UBE2L3: variants seen among roughly 807,000 people sequenced by gnomAD.
UBE2L3 encodes ubiquitin conjugating enzyme E2 L3.
In UBE2L3, 1 loss-of-function variant was observed where a neutral mutation model predicts 17.8. The observed-to-expected ratio is 0.06, with a 90% CI of 0.02 to 0.27. The LOEUF (loss-of-function observed/expected upper bound fraction) is 0.27. Ranked by LOEUF, UBE2L3 falls within the 10% of genes least tolerant of loss-of-function variation. UBE2L3 has a pLI of 1.00. For missense variants in UBE2L3, 40 were observed against 192.6 expected, an observed-to-expected ratio of 0.21 and a Z score of 4.69; for synonymous variants, 44 against 68.5, an observed-to-expected ratio of 0.64 and a Z score of 1.76.
intron 2 of UBE2L3, among the ~76,000 whole-genome samples, chr22:21,593,192 A>G (rs1452125098): frequency 6.6e-6 from 1 of 152,066 alleles, no homozygotes; most frequent in African/African-American, 2.4e-5. Flanking sequence ...GCAGATCTGT[A>G]GACACAGAGA....
intron 1 of UBE2L3, among the ~76,000 whole-genome samples, chr22:21,557,028 T>A (rs1042821733): frequency 1.3e-5 from 2 of 152,110 alleles, no homozygotes; most frequent in African/African-American, 4.8e-5. Context: ...CACTCCAGCC[T>A]GGGCAACAGA....
chr22:21,602,469 A>G (rs1928917789), intron 2 of UBE2L3, among the ~76,000 whole-genome samples: 1 of 152,202 alleles, frequency 6.6e-6, no homozygotes, highest in Non-Finnish European at 1.5e-5. Flanking sequence ...GTGACATGAA[A>G]CGGTGACTTC....
At chr22:21,613,297 TCTG>T (rs765561003) in intron 3 of UBE2L3, among the ~76,000 whole-genome samples, 3 of 152,218 alleles carry the variant, frequency 2.0e-5, no homozygotes, top group Non-Finnish European at 2.9e-5. Flanking sequence ...GCCAAAATGC[TCTG>T]CTTTTTCAGA....
upstream of UBE2L3, among the ~76,000 whole-genome samples, chr22:21,565,677 C>A (rs370289592): frequency 7.8e-6 from 1 of 127,926 alleles, no homozygotes; most frequent in Admixed American, 9.9e-5. Flanking sequence ...CACTTGAACC[C>A]GGGAGGCAGA....
chr22:21,601,506 G>T (rs902027402), intron 2 of UBE2L3, among the ~76,000 whole-genome samples: 4 of 151,496 alleles, frequency 2.6e-5, no homozygotes, highest in African/African-American at 9.7e-5. Flanking sequence ...GTAGAGATGG[G>T]ATTTCACCAT....
chr22:21,611,945 C>T (rs537962015), intron 3 of UBE2L3, among the ~76,000 whole-genome samples: 1 of 152,230 alleles, frequency 6.6e-6, no homozygotes, highest in Admixed American at 6.5e-5. Context: ...CTTCCTGATG[C>T]CAGATCAGAC....
chr22:21,611,243 C>G lies in UBE2L3; in HGVS notation c.310+200C>G, dbSNP rs116705679. Among the ~76,000 whole-genome samples, 197 of 152,332 alleles carry G rather than the reference C, an allele frequency of 1.3e-3. 1 individual carries two copies. Among genetic ancestry groups the G allele is most frequent in the African/African-American group, 4.6e-3 (193 of 41,576 alleles). ...CTGTATAGGGTTTGAGGAGGCCTTT[C>G]CAGTGCTCAGCCCTGGGCTGCCATC... is the stretch of plus-strand genomic sequence containing the variant. On this transcript the variant is annotated intron_variant, in intron 3 of 3. Coordinates refer to ENST00000342192, the MANE Select transcript of UBE2L3 (RefSeq NM_003347.4).
intron 1 of UBE2L3, among the ~76,000 whole-genome samples, chr22:21,574,401 C>T (rs1927149269): frequency 6.6e-6 from 1 of 152,124 alleles, no homozygotes. Flanking sequence ...TAGAAGAGTG[C>T]CTGGCATATA....
chr22:21,614,787 T>TG, intron 3 of UBE2L3: 1 of 265,470 alleles, frequency 3.8e-6, no homozygotes, highest in Non-Finnish European at 5.8e-6. Context: ...TGTACACAGA[T>TG]GTTCATAGCA....
chr22:21,582,813 C>T (rs1387716635), intron 1 of UBE2L3, among the ~76,000 whole-genome samples: 2 of 152,132 alleles, frequency 1.3e-5, no homozygotes, highest in Non-Finnish European at 2.9e-5. Flanking sequence ...CGTGAGCCAC[C>T]GTGCCCGGCC....
chr22:21,568,866 C>G (rs994890932), intron 1 of UBE2L3, among the ~76,000 whole-genome samples: 1 of 152,152 alleles, frequency 6.6e-6, no homozygotes, highest in African/African-American at 2.4e-5. Context: ...TTCCCTCCGT[C>G]CCTGGGAACG....
At chr22:21,581,083 C>T (rs1430249699) in intron 1 of UBE2L3, among the ~76,000 whole-genome samples, 3 of 139,758 alleles carry the variant, frequency 2.1e-5, no homozygotes, top group Non-Finnish European at 1.5e-5. Context: ...GAGATGGAGT[C>T]TCACCCTGTT....
At chr22:21,561,116 C>T (rs1238372231) in intron 1 of UBE2L3, among the ~76,000 whole-genome samples, 1 of 152,270 alleles carries the variant, frequency 6.6e-6, no homozygotes, top group Non-Finnish European at 1.5e-5. Flanking sequence ...CTGGCCCTCA[C>T]AGTCCAAGAA....
intron 3 of UBE2L3, among the ~76,000 whole-genome samples, chr22:21,612,938 G>C (rs185146011): frequency 6.6e-6 from 1 of 152,120 alleles, no homozygotes; most frequent in South Asian, 2.1e-4. Context: ...TGCCCGGCGA[G>C]CCTGGTTTTT....
At chr22:21,555,278 G>A (rs1175844291) in intron 1 of UBE2L3, 1 of 152,006 alleles carries the variant, frequency 6.6e-6, no homozygotes, top group African/African-American at 2.4e-5. Context: ...CTTCCTGGGA[G>A]CAGGAAACCA....
chr22:21,567,944 C>T (rs1926727059), intron 1 of UBE2L3, 173 bp downstream of exon 1: 1 of 1,414,468 alleles, frequency 7.1e-7, no homozygotes. Flanking sequence ...TGGCCTAGGC[C>T]GCAGCCTGGG....
intron 1 of UBE2L3, among the ~76,000 whole-genome samples, chr22:21,589,069 C>T (rs1372187370): frequency 6.6e-6 from 1 of 151,980 alleles, no homozygotes; most frequent in Non-Finnish European, 1.5e-5. Context: ...GCTGGGATTA[C>T]AGGTGTGAAC....
chr22:21,577,152 T>C (rs1288698450), intron 1 of UBE2L3, among the ~76,000 whole-genome samples: 1 of 151,898 alleles, frequency 6.6e-6, no homozygotes, highest in African/African-American at 2.4e-5. Context: ...GTATTTTTAG[T>C]AGAAACGGGG....
intron 1 of UBE2L3, 49 bp from the exon 2 acceptor site, chr22:21,592,812 G>A (rs759889501): frequency 4.9e-6 from 7 of 1,428,348 alleles, no homozygotes; most frequent in African/African-American, 1.4e-5. Flanking sequence ...ATCTTAATAT[G>A]TGGTGCTTTC....
Sources: allele counts gnomAD v4.1 joint callset (sites outside exome capture counted in the v4.1 genomes callset), GRCh38; gene constraint gnomAD v4.1.1; transcripts MANE v1.5; gene names NCBI Gene and HGNC (gene_info 2026-07-23, HGNC 2026-07-21).